ARHGEF38: variants seen among roughly 807,000 people sequenced by gnomAD.
The protein encoded by ARHGEF38 is Rho guanine nucleotide exchange factor 38.
In ARHGEF38, 79 loss-of-function variants were observed where a neutral mutation model predicts 79.9. The observed-to-expected ratio is 0.99, with a 90% CI of 0.82 to 1.19. The LOEUF is 1.19. Among genes scored for constraint, ARHGEF38 ranks in the 50% most tolerant of loss-of-function variants. The probability of loss-of-function intolerance (pLI) is 0.00; values close to 1 mark genes in which losing one functional copy is unlikely to be tolerated. For missense variants in ARHGEF38, 962 were observed against 907.2 expected (o/e 1.06, Z -0.78); for synonymous variants, 366 against 328.3 (o/e 1.11, Z -1.24).
chr4:105,666,318 C>T lies in ARHGEF38; in HGVS notation c.1687C>T (p.Leu563=), dbSNP rs1560759193. 2 of 1,523,456 alleles carry T rather than the reference C, an allele frequency of 1.3e-6. No homozygotes were observed. Among genetic ancestry groups the T allele is most frequent in the South Asian group, 1.2e-5 (1 of 80,642 alleles). 94.4% of individuals were successfully genotyped at this position (1,523,456 alleles called of 1,614,324 possible). A position where few individuals can be genotyped will look rare whatever the true frequency, so the allele number is the denominator to read the frequency against. Residue 563 remains leucine, a splice_region_variant and synonymous_variant, in exon 11 of 14, where the codon CTG becomes TTG. Coordinates refer to ENST00000420470, the MANE Select transcript of ARHGEF38 (RefSeq NM_001242729.2). ...TGAAAAGAAGAAACCTGTGCAGATT[C>T]TGGTGAGTTTGGCAGCATTCATGAC... ...SFEKKKPVQI[L]PEMPHQTDIH... is the part of the protein sequence containing the mutation.
intron 11 of ARHGEF38, among the ~76,000 whole-genome samples, chr4:105,666,620 T>C (rs1243792479): frequency 1.3e-5 from 2 of 152,178 alleles, no homozygotes; most frequent in Non-Finnish European, 2.9e-5. Context: ...AGATAAATCA[T>C]ATAGTCCAGA....
intron 2 of ARHGEF38, among the ~76,000 whole-genome samples, chr4:105,592,833 G>A (rs1401692395): frequency 6.6e-6 from 1 of 152,076 alleles, no homozygotes; most frequent in Non-Finnish European, 1.5e-5. Flanking sequence ...CCAACTTACT[G>A]CATCTCTACC....
rs1476993426 is a variant in ARHGEF38 at position 105,679,244 on chromosome 4, T to C, written c.*1307T>C. 1.0e-5 allele frequency: 7 copies of C among 678,408 alleles called. No homozygotes were observed. The Admixed American group carries it at 1.2e-4, about 12-fold the overall frequency. The allele number at this position is 678,408 out of a possible 1,614,324, so 42.0% of individuals were successfully genotyped here. A position where few individuals can be genotyped will look rare whatever the true frequency, so the allele number is the denominator to read the frequency against. ...TTAAAAGATGTTTCCATCATAATAT[T>C]CTTTAATTTCAGGTAATTTAGCTGG... On this transcript the variant is annotated 3_prime_UTR_variant, in exon 14 of 14. Coordinates refer to ENST00000420470, the MANE Select transcript of ARHGEF38 (RefSeq NM_001242729.2).
Position 105,589,372 on chromosome 4 carries a change from G to A in ARHGEF38, c.321G>A (p.Lys107=). 6.2e-7 allele frequency: 1 copy of A among 1,614,006 alleles called. No homozygotes were observed. The highest frequency in any genetic ancestry group is 1.3e-5 in the African/African-American group (1 of 75,030). The change falls in exon 2 of 14, where the codon AAG becomes AAA. Residue 107 remains lysine, a synonymous_variant. Coordinates refer to ENST00000420470, the MANE Select transcript of ARHGEF38 (RefSeq NM_001242729.2). ...TTAAGGAGCTGATACAGACAGAAAA[G>A]GATTATCTCAATGATCTAGAGCTGT... is the stretch of plus-strand genomic sequence containing the variant. ...KIIKELIQTE[K]DYLNDLELCV... is the part of the protein sequence containing the mutation.
intron 1 of ARHGEF38, among the ~76,000 whole-genome samples, chr4:105,577,771 T>C (rs1177435553): frequency 2.0e-5 from 3 of 152,204 alleles, no homozygotes; most frequent in Non-Finnish European, 4.4e-5. Context: ...GTGTCAGTTG[T>C]AATGTCTCAA....
At position 105,637,819 on chromosome 4, in the gene ARHGEF38, A is replaced by G. The variant is rs187029749; in HGVS notation, c.674+1399A>G. On this transcript the variant is annotated intron_variant, in intron 5 of 13. Coordinates refer to ENST00000420470, the MANE Select transcript of ARHGEF38 (RefSeq NM_001242729.2). ...ACGGACTTCTACATACAGAATACTTAAACAGTTCATTGTATTGAAACACGC... is the reference window on the plus strand; with the variant it reads ...ACGGACTTCTACATACAGAATACTTGAACAGTTCATTGTATTGAAACACGC... 3.8e-3 allele frequency among the ~76,000 whole-genome samples: 573 copies of G among 152,270 alleles called. 2 individuals are homozygous for G. Among genetic ancestry groups the G allele is most frequent in the Non-Finnish European group, 5.4e-3 (369 of 68,014 alleles).
At chr4:105,614,815 T>C (rs540013228) in intron 3 of ARHGEF38, among the ~76,000 whole-genome samples, 2 of 152,234 alleles carry the variant, frequency 1.3e-5, no homozygotes, top group Admixed American at 1.3e-4. Flanking sequence ...TTTGGTACTG[T>C]ACCACATTGC....
At chr4:105,620,322 G>A (rs1268047549) in intron 3 of ARHGEF38, among the ~76,000 whole-genome samples, 2 of 152,098 alleles carry the variant, frequency 1.3e-5, no homozygotes, top group Non-Finnish European at 2.9e-5. Flanking sequence ...CTAGATGTGC[G>A]ATCTTAGGCA....
At chr4:105,606,296 A>G (rs912240305) in intron 2 of ARHGEF38, among the ~76,000 whole-genome samples, 1 of 152,128 alleles carries the variant, frequency 6.6e-6, no homozygotes. Flanking sequence ...GTTGGTGGCA[A>G]TCACCGTGAC....
chr4:105,681,789 A>C (rs1319724469), downstream of ARHGEF38, among the ~76,000 whole-genome samples: 1 of 152,214 alleles, frequency 6.6e-6, no homozygotes, highest in African/African-American at 2.4e-5. Flanking sequence ...ACAATGTACA[A>C]AACAATCTCA....
chr4:105,610,798 A>T (rs571269412), intron 2 of ARHGEF38, among the ~76,000 whole-genome samples: 1 of 152,218 alleles, frequency 6.6e-6, no homozygotes, highest in South Asian at 2.1e-4. Flanking sequence ...AGCTAAGATT[A>T]CAGATAAAAT....
intron 2 of ARHGEF38, among the ~76,000 whole-genome samples, chr4:105,591,822 A>T (rs1000178168): frequency 1.3e-5 from 2 of 152,186 alleles, no homozygotes; most frequent in African/African-American, 2.4e-5. Flanking sequence ...AAACCTGGAA[A>T]TTTCTTATTC....
chr4:105,669,416 A>C (rs371732711), intron 13 of ARHGEF38, among the ~76,000 whole-genome samples: 1 of 152,194 alleles, frequency 6.6e-6, no homozygotes, highest in African/African-American at 2.4e-5. Context: ...CATTTGTATG[A>C]GTATATAAGT....
At chr4:105,596,223 A>C (rs73837040) in intron 2 of ARHGEF38, among the ~76,000 whole-genome samples, 4 of 152,268 alleles carry the variant, frequency 2.6e-5, no homozygotes, top group African/African-American at 9.6e-5. Flanking sequence ...CTCAGGGTCC[A>C]AAGTGGGTGA....
At position 105,679,620 on chromosome 4, in the gene ARHGEF38, A is replaced by G. The variant is rs573466089; in HGVS notation, c.*1683A>G. On this transcript the variant is annotated 3_prime_UTR_variant, in exon 14 of 14. Coordinates refer to ENST00000420470, the MANE Select transcript of ARHGEF38 (RefSeq NM_001242729.2). ...TGGTTGGAAAAAAATCAACAGCAGCATAAGAAATGGAAGCCAGAGACCTTA... is the reference window on the plus strand; with the variant it reads ...TGGTTGGAAAAAAATCAACAGCAGCGTAAGAAATGGAAGCCAGAGACCTTA... 111 of 839,052 alleles carry G rather than the reference A, an allele frequency of 1.3e-4. 1 individual carries two copies. The East Asian group carries it at 2.6e-3, about 20-fold the overall frequency. 52.0% of individuals were successfully genotyped at this position (839,052 alleles called of 1,614,324 possible).
intron 2 of ARHGEF38, among the ~76,000 whole-genome samples, chr4:105,589,912 G>A (rs1285026811): frequency 6.6e-6 from 1 of 151,788 alleles, no homozygotes; most frequent in Non-Finnish European, 1.5e-5. Context: ...GGTGGCACAC[G>A]CCTGTAATCC....
intron 1 of ARHGEF38, among the ~76,000 whole-genome samples, chr4:105,562,127 C>T (rs906002916): frequency 6.6e-6 from 1 of 152,104 alleles, no homozygotes; most frequent in African/African-American, 2.4e-5. Flanking sequence ...GCAGAGAGCC[C>T]TTCCTGCATC....
chr4:105,645,154 T>C (rs752355272), intron 5 of ARHGEF38, 34 bp from the exon 6 acceptor site: 10 of 1,270,236 alleles, frequency 7.9e-6, no homozygotes, highest in Non-Finnish European at 9.1e-6. Context: ...AAAACATATG[T>C]TTGTGAAACT....
At chr4:105,585,540 A>G (rs1726992297) in intron 1 of ARHGEF38, among the ~76,000 whole-genome samples, 1 of 152,204 alleles carries the variant, frequency 6.6e-6, no homozygotes, top group African/African-American at 2.4e-5. Context: ...AAAGAAATAC[A>G]GAGTGAAGTC....
Sources: allele counts gnomAD v4.1 joint callset (sites outside exome capture counted in the v4.1 genomes callset), GRCh38; gene constraint gnomAD v4.1.1; transcripts MANE v1.5; gene names NCBI Gene and HGNC (gene_info 2026-07-23, HGNC 2026-07-21).